Variants in TDRD7 observed in about 807,000 individuals in gnomAD.
TDRD7 encodes the protein tudor domain containing 7.
A neutral mutation model predicts 109.8 loss-of-function variants in TDRD7; 47 were observed. The ratio of observed to expected loss-of-function variants is 0.43; its 90% CI spans 0.34 to 0.55. The LOEUF is 0.55. Among genes scored for constraint, TDRD7 ranks in the 20% least tolerant of loss-of-function variants. TDRD7 has a pLI of 0.03. For missense variants in TDRD7, 1,164 were observed against 1,319.2 expected (o/e 0.88, Z 1.82); for synonymous variants, 424 against 457.3 (o/e 0.93, Z 0.93).
intron 10 of TDRD7, 72 bp from the exon 11 acceptor site, chr9:97,473,420 A>G: frequency 5.0e-6 from 8 of 1,596,542 alleles, no homozygotes; most frequent in Non-Finnish European, 6.0e-6. Context: ...ATGTTTAGGT[A>G]GATACCCTTT....
chr9:97,458,712 G>A (rs1479420432), intron 6 of TDRD7, among the ~76,000 whole-genome samples: 14 of 152,142 alleles, frequency 9.2e-5, no homozygotes, highest in Non-Finnish European at 1.6e-4. Context: ...AGTATGAAGA[G>A]GAAAACCTAA....
intron 1 of TDRD7, among the ~76,000 whole-genome samples, chr9:97,423,502 A>G (rs1009353369): frequency 2.0e-5 from 3 of 151,084 alleles, no homozygotes; most frequent in African/African-American, 7.3e-5. Context: ...AAACTTCATT[A>G]TTGATCTGTT....
At chr9:97,417,611 A>G (rs1378439452) in intron 1 of TDRD7, among the ~76,000 whole-genome samples, 2 of 152,266 alleles carry the variant, frequency 1.3e-5, no homozygotes, top group African/African-American at 4.8e-5. Context: ...TCTTACAGAT[A>G]AAGAGAATGA....
chr9:97,474,527 A>G (rs1270574772), intron 11 of TDRD7, among the ~76,000 whole-genome samples: 2 of 152,170 alleles, frequency 1.3e-5, no homozygotes, highest in Non-Finnish European at 2.9e-5. Flanking sequence ...TCTTATGTAG[A>G]ATAGGTATGC....
In TDRD7 at chr9:97,487,215, G is replaced by T. The variant is rs778769271; in HGVS notation, c.2959G>T (p.Val987Leu). 1.2e-5 allele frequency: 19 copies of T among 1,613,814 alleles called. No homozygotes were observed. The highest frequency in any genetic ancestry group is 1.7e-5 in the Admixed American group (1 of 59,974). Residue 987 changes from valine (V) to leucine (L), a missense_variant, in exon 16 of 17, where the codon GTA becomes TTA. Transcript: ENST00000355295. The part of the protein sequence containing the change: ...LLKGILTNGL[V>L]SVYELDYGKH... ...AAAAGGAATCCTGACCAATGGACTG[G>T]TATCTGTGTATGAGCTGGATTATGG...
At chr9:97,487,448 G>GT in intron 16 of TDRD7, 116 bp downstream of exon 16, 14 of 1,354,740 alleles carry the variant, frequency 1.0e-5, no homozygotes, top group South Asian at 9.5e-5. Context: ...TTGGGTTTTT[G>GT]TTTTTTTGTG....
intron 9 of TDRD7, 92 bp from the exon 10 acceptor site, chr9:97,472,201 T>A (rs946684235): frequency 8.3e-7 from 1 of 1,202,228 alleles, no homozygotes; most frequent in African/African-American, 1.5e-5. Context: ...GGCTTATAAT[T>A]TTAATAATGG....
chr9:97,413,295 T>G (rs1827753961), intron 1 of TDRD7, among the ~76,000 whole-genome samples: 1 of 152,260 alleles, frequency 6.6e-6, no homozygotes, highest in Non-Finnish European at 1.5e-5. Flanking sequence ...GCAAATAATG[T>G]GAACTTTGCA....
Position 97,432,203 on chromosome 9 carries a change from A to C in TDRD7, c.528A>C (p.Pro176=), listed in dbSNP as rs1828116472. The C allele has an allele frequency of 6.2e-7, 1 of 1,613,834 alleles. No homozygotes were observed. Among genetic ancestry groups the C allele is most frequent in the East Asian group, 2.2e-5 (1 of 44,876 alleles). Residue 176 remains proline (P), a synonymous_variant, in exon 4 of 17, where the codon CCA becomes CCC. Coordinates refer to ENST00000355295, the MANE Select transcript of TDRD7 (RefSeq NM_014290.3). ...GAAATGAAGCATTCAAAGACATTCC[A>C]GTGCAAAGGCATGTGACCATGTCCA... The part of the protein sequence containing the change: ...TLGNEAFKDI[P]VQRHVTMSTN...
At chr9:97,451,724 T>G (rs1393852973) in intron 6 of TDRD7, among the ~76,000 whole-genome samples, 1 of 152,226 alleles carries the variant, frequency 6.6e-6, no homozygotes, top group African/African-American at 2.4e-5. Context: ...GCCGCAGGCT[T>G]GTAACTGGTG....
intron 4 of TDRD7, among the ~76,000 whole-genome samples, chr9:97,438,579 A>G (rs1413727105): frequency 6.6e-6 from 1 of 152,188 alleles, no homozygotes; most frequent in Non-Finnish European, 1.5e-5. Flanking sequence ...CATGAATATA[A>G]ATGATGTGTG....
chr9:97,438,349 T>C (rs1828239566), intron 4 of TDRD7, among the ~76,000 whole-genome samples: 1 of 152,226 alleles, frequency 6.6e-6, no homozygotes, highest in Non-Finnish European at 1.5e-5. Context: ...TTTTAGACTG[T>C]TCCATACTAT....
chr9:97,442,316 A>T (rs1388898224), intron 6 of TDRD7, among the ~76,000 whole-genome samples: 1 of 152,180 alleles, frequency 6.6e-6, no homozygotes, highest in Non-Finnish European at 1.5e-5. Context: ...TTGACTAATT[A>T]TATAGAGTTC....
At chr9:97,444,247 C>T (rs890749123) in intron 6 of TDRD7, among the ~76,000 whole-genome samples, 2 of 152,148 alleles carry the variant, frequency 1.3e-5, no homozygotes, top group African/African-American at 4.8e-5. Flanking sequence ...ACTTTCCTAT[C>T]TATATATTGT....
At position 97,478,446 on chromosome 9, in the gene TDRD7, A is replaced by G; in HGVS notation, c.2174A>G (p.Asn725Ser). 3.1e-6 allele frequency: 5 copies of G among 1,613,972 alleles called. No homozygotes were observed. The highest frequency in any genetic ancestry group is 4.2e-6 in the Non-Finnish European group (5 of 1,179,952). Residue 725 changes from asparagine (N) to serine (S), a missense_variant, in exon 13 of 17, where the codon AAT becomes AGT. Coordinates refer to ENST00000355295, the MANE Select transcript of TDRD7 (RefSeq NM_014290.3). ...KGKWLRVEITNVHSSRALDVQ... is the reference protein window; with the variant it reads ...KGKWLRVEITSVHSSRALDVQ... Reference sequence around the variant, plus strand: ...ACACTTATCTCATTTCAGATCACAAATGTTCACAGCAGCCGGGCTCTTGAT... The same window carrying G: ...ACACTTATCTCATTTCAGATCACAAGTGTTCACAGCAGCCGGGCTCTTGAT...
chr9:97,413,678 GC>G (rs1324368911), intron 1 of TDRD7, among the ~76,000 whole-genome samples: 1 of 152,194 alleles, frequency 6.6e-6, no homozygotes, highest in African/African-American at 2.4e-5. Flanking sequence ...ATAGGGAATT[GC>G]CCCTGGGGCC....
chr9:97,460,869 C>T (rs902134358), intron 7 of TDRD7, 105 bp downstream of exon 7: 21 of 1,071,140 alleles, frequency 2.0e-5, no homozygotes, highest in Middle Eastern at 2.5e-4. Flanking sequence ...TGGCCGGGTG[C>T]GGTGGCTCAC....
chr9:97,490,004 A>G (rs1412964940), intron 16 of TDRD7, among the ~76,000 whole-genome samples: 3 of 152,144 alleles, frequency 2.0e-5, no homozygotes, highest in African/African-American at 7.2e-5. Context: ...TCACTTACAT[A>G]TAAGCAGATA....
chr9:97,492,357 A>G (rs1829322518), intron 16 of TDRD7, among the ~76,000 whole-genome samples: 1 of 152,184 alleles, frequency 6.6e-6, no homozygotes, highest in Non-Finnish European at 1.5e-5. Context: ...AGTGAAGTTA[A>G]ATATCTTGTC....
Sources: allele counts gnomAD v4.1 joint callset (sites outside exome capture counted in the v4.1 genomes callset), GRCh38; gene constraint gnomAD v4.1.1; transcripts MANE v1.5; gene names NCBI Gene and HGNC (gene_info 2026-07-23, HGNC 2026-07-21).